ABLIM3: variants seen among roughly 807,000 people sequenced by gnomAD.
ABLIM3 encodes the protein actin-binding LIM protein 3.
In ABLIM3, 61 loss-of-function variants were observed where a neutral mutation model predicts 109.5. That is an observed-to-expected ratio of 0.56 (90% CI 0.45 to 0.69). The LOEUF (loss-of-function observed/expected upper bound fraction) is 0.69, where lower values mean the gene tolerates loss of function less well. ABLIM3 is among the 30% of genes least tolerant of loss of function. ABLIM3 has a pLI of 0.00. For synonymous variants in ABLIM3, 300 were observed against 324.8 expected (o/e 0.92, Z 0.82); for missense variants, 796 against 889.5 (o/e 0.89, Z 1.34).
chr5:149,216,660 C>G (rs1760120818), intron 7 of ABLIM3: 2 of 352,386 alleles, frequency 5.7e-6, no homozygotes, highest in Non-Finnish European at 1.0e-5. Flanking sequence ...CCTGTTTCCT[C>G]CTCTGGAAAT....
At chr5:149,178,032 G>T (rs1223065680) in intron 2 of ABLIM3, among the ~76,000 whole-genome samples, 1 of 152,042 alleles carries the variant, frequency 6.6e-6, no homozygotes, top group Non-Finnish European at 1.5e-5. Flanking sequence ...TTCCTTACCC[G>T]CTGTGTCGTG....
At chr5:149,207,806 G>A (rs1328899709) in intron 6 of ABLIM3, among the ~76,000 whole-genome samples, 3 of 152,208 alleles carry the variant, frequency 2.0e-5, no homozygotes, top group African/African-American at 4.8e-5. Context: ...GATATGAGAG[G>A]AGGTGATGGG....
At position 149,258,809 on chromosome 5, in the gene ABLIM3, G is replaced by A. The variant is rs1390805699; in HGVS notation, c.*405G>A. 4 of 991,274 alleles carry A rather than the reference G, an allele frequency of 4.0e-6. No individual in the cohort carries two copies. The highest frequency in any genetic ancestry group is 4.6e-5 in the South Asian group (1 of 21,614). 61.4% of individuals were successfully genotyped at this position (991,274 alleles called of 1,614,324 possible). On this transcript the variant is annotated 3_prime_UTR_variant, in exon 24 of 24. Transcript: ENST00000309868. ...TGGTTTCCACACCTTATTGGCCCCA[G>A]AGGGGCCCTCCCATGGGAAGATCTG...
At position 149,240,898 on chromosome 5, in the gene ABLIM3, C is replaced by G; in HGVS notation, c.1303+124C>G. ...CTGGTTCCTGAGGGACCTCCCTAAC[C>G]AAGCACCTGCACCAACCCTGTCCTC... On this transcript the variant is annotated intron_variant, in intron 14 of 23. Transcript: ENST00000309868. 2 of 813,484 alleles carry G rather than the reference C, an allele frequency of 2.5e-6. 1 individual carries two copies. The highest frequency in any genetic ancestry group is 4.0e-6 in the Non-Finnish European group (2 of 493,844). The allele number at this position is 813,484 out of a possible 1,614,324, so 50.4% of individuals were successfully genotyped here. A position where few individuals can be genotyped will look rare whatever the true frequency, so the allele number is the denominator to read the frequency against.
At chr5:149,192,765 C>T (rs1285343674) in intron 3 of ABLIM3, among the ~76,000 whole-genome samples, 1 of 151,956 alleles carries the variant, frequency 6.6e-6, no homozygotes, top group Non-Finnish European at 1.5e-5. Context: ...CATTTCTACT[C>T]ACCAACACCA....
In ABLIM3 at chr5:149,252,198, C is replaced by G. The variant is rs1753992654; in HGVS notation, c.1850-3C>G. On this transcript the variant is annotated splice_polypyrimidine_tract_variant and splice_region_variant and intron_variant, in intron 21 of 23. Transcript: ENST00000309868. ...GTGTGTGTGTCTCTTTTTCTCTCTG[C>G]AGAGTACAAGGTAAAGGATGTGCAT... 1 of 1,613,536 alleles carries G rather than the reference C, an allele frequency of 6.2e-7. No homozygotes were observed. The highest frequency in any genetic ancestry group is 8.5e-7 in the Non-Finnish European group (1 of 1,179,774).
At position 149,239,826 on chromosome 5, in the gene ABLIM3, C is replaced by T. The variant is rs1217260506; in HGVS notation, c.1142C>T (p.Thr381Ile). The T allele has an allele frequency of 6.2e-7, 1 of 1,611,532 alleles. No homozygotes were observed. The highest frequency in any genetic ancestry group is 1.7e-5 in the Admixed American group (1 of 59,768). ...AGCCCGGGGTACATAGACTCCCCCA[C>T]CTACAGCCGGCAGGGCATGTCCCCC... is the stretch of plus-strand genomic sequence containing the variant. ...ASSPGYIDSPTYSRQGMSPTF... is the reference protein window; with the variant it reads ...ASSPGYIDSPIYSRQGMSPTF... Residue 381 changes from threonine (T) to isoleucine (I), a missense_variant, in exon 13 of 24, where the codon ACC becomes ATC. Transcript: ENST00000309868.
chr5:149,196,219 C>T (rs936902235), intron 3 of ABLIM3, among the ~76,000 whole-genome samples: 11 of 152,216 alleles, frequency 7.2e-5, no homozygotes, highest in African/African-American at 2.7e-4. Context: ...CCTCCAGTCC[C>T]CAAAGGTGAA....
chr5:149,189,249 A>T (rs145021769), intron 3 of ABLIM3, among the ~76,000 whole-genome samples: 28 of 152,218 alleles, frequency 1.8e-4, no homozygotes, highest in Admixed American at 1.6e-3. Context: ...AAATTGAGAA[A>T]CTCTTAGGAA....
chr5:149,197,286 G>C (rs1157557013), intron 3 of ABLIM3, among the ~76,000 whole-genome samples: 1 of 152,046 alleles, frequency 6.6e-6, no homozygotes, highest in Non-Finnish European at 1.5e-5. Context: ...AATATCACTT[G>C]CACCTTCCTG....
chr5:149,190,122 A>G (rs929595286), intron 3 of ABLIM3, among the ~76,000 whole-genome samples: 3 of 152,242 alleles, frequency 2.0e-5, no homozygotes, highest in African/African-American at 7.2e-5. Context: ...TACACATTGC[A>G]GGATTTCATA....
intron 2 of ABLIM3, among the ~76,000 whole-genome samples, chr5:149,175,846 A>G (rs1469824513): frequency 6.6e-6 from 1 of 152,196 alleles, no homozygotes; most frequent in Non-Finnish European, 1.5e-5. Flanking sequence ...CTGGCTGGCC[A>G]AGAGCATGCC....
intron 12 of ABLIM3, 146 bp downstream of exon 12, chr5:149,239,423 T>G: frequency 1.1e-6 from 1 of 925,166 alleles, no homozygotes; most frequent in Non-Finnish European, 1.7e-6. Context: ...CTCGGGTGCA[T>G]GTCCTGGAGG....
intron 3 of ABLIM3, among the ~76,000 whole-genome samples, chr5:149,194,630 C>G (rs1055786424): frequency 6.6e-6 from 1 of 152,170 alleles, no homozygotes; most frequent in Non-Finnish European, 1.5e-5. Context: ...CGTGCATCGA[C>G]GTGGATGAAT....
At chr5:149,220,880 T>A (rs1436201037) in intron 8 of ABLIM3, 1 of 152,230 alleles carries the variant, frequency 6.6e-6, no homozygotes, top group African/African-American at 2.4e-5. Context: ...CTCTGCTACA[T>A]GTTGGGCATT....
rs528777307 is a variant in ABLIM3 at position 149,217,622 on chromosome 5, C to T, written c.757+576C>T. The T allele has an allele frequency of 4.5e-5, 7 of 155,176 alleles. No homozygotes were observed. The South Asian group carries it at 1.2e-3, about 26-fold the overall frequency. 9.6% of individuals were successfully genotyped at this position (155,176 alleles called of 1,614,324 possible). A position where few individuals can be genotyped will look rare whatever the true frequency, so the allele number is the denominator to read the frequency against. Reference sequence around the variant, plus strand: ...CTTACAACAGTCCCCTAATTAGTCTCCAGATTCTGCTCAGTCCTCTACCCT... The same window carrying T: ...CTTACAACAGTCCCCTAATTAGTCTTCAGATTCTGCTCAGTCCTCTACCCT... On this transcript the variant is annotated intron_variant, in intron 8 of 23. Transcript: ENST00000309868.
intron 2 of ABLIM3, among the ~76,000 whole-genome samples, chr5:149,175,429 T>G (rs1018096644): frequency 1.3e-5 from 2 of 152,142 alleles, no homozygotes; most frequent in Non-Finnish European, 2.9e-5. Flanking sequence ...AAGCATAAGT[T>G]AGGGAGGGCA....
At chr5:149,183,072 A>G (rs1756600280) in intron 2 of ABLIM3, among the ~76,000 whole-genome samples, 1 of 152,240 alleles carries the variant, frequency 6.6e-6, no homozygotes, top group South Asian at 2.1e-4. Flanking sequence ...AGTCAATTGC[A>G]AGTCCCAAAT....
At chr5:149,224,914 C>T (rs1286585547) in intron 8 of ABLIM3, among the ~76,000 whole-genome samples, 1 of 152,158 alleles carries the variant, frequency 6.6e-6, no homozygotes, top group African/African-American at 2.4e-5. Context: ...AGGATTGGAA[C>T]CCCTTAAGAA....
Sources: gnomAD v4.1 joint callset for allele counts (sites outside exome capture counted in the v4.1 genomes callset) on GRCh38, gnomAD v4.1.1 for gene constraint, MANE v1.5 for transcripts, NCBI Gene and HGNC (gene_info 2026-07-23, HGNC 2026-07-21) for gene names.